OSBPL10: variants seen among roughly 807,000 people sequenced by gnomAD.
OSBPL10 encodes oxysterol binding protein like 10.
A neutral mutation model predicts 81.7 loss-of-function variants in OSBPL10; 49 were observed. The ratio of observed to expected loss-of-function variants is 0.60; its 90% CI spans 0.48 to 0.76. The LOEUF is 0.76. Ranked by LOEUF, OSBPL10 falls within the 30% of genes least tolerant of loss-of-function variation. The pLI is 0.00. For missense variants in OSBPL10, 923 were observed against 987.8 expected (o/e 0.93, Z 0.88); for synonymous variants, 419 against 383.6 (o/e 1.09, Z -1.08).
chr3:31,994,685 T>C (rs1209762514), intron 2 of OSBPL10, among the ~76,000 whole-genome samples: 2 of 152,178 alleles, frequency 1.3e-5, no homozygotes, highest in African/African-American at 4.8e-5. Context: ...ATCAGAAAAT[T>C]CTTTATAAAT....
At chr3:31,980,806 C>CACACACAT (rs1184413750) in intron 1 of OSBPL10, 93 bp downstream of exon 1, 1 of 1,352,482 alleles carries the variant, frequency 7.4e-7, no homozygotes, top group Non-Finnish European at 9.5e-7. Flanking sequence ...ATCGCGCGCG[C>CACACACAT]ACACACATAC....
intron 4 of OSBPL10, among the ~76,000 whole-genome samples, chr3:31,812,165 G>A (rs1004083283): frequency 1.3e-5 from 2 of 152,118 alleles, no homozygotes; most frequent in Non-Finnish European, 2.9e-5. Flanking sequence ...CTGAATAGCT[G>A]GGATTACAGG....
intron 4 of OSBPL10, among the ~76,000 whole-genome samples, chr3:31,807,357 A>G (rs928092599): frequency 6.6e-6 from 1 of 150,612 alleles, no homozygotes; most frequent in African/African-American, 2.5e-5. Flanking sequence ...TGGGCGACAG[A>G]GCAAGACTGT....
chr3:32,052,366 T>C (rs1575093035), intron 1 of OSBPL10, among the ~76,000 whole-genome samples: 1 of 152,188 alleles, frequency 6.6e-6, no homozygotes, highest in Non-Finnish European at 1.5e-5. Flanking sequence ...TTTTGAAAAT[T>C]GGTTGACTTT....
chr3:31,689,836 C>T (rs1695472442), intron 7 of OSBPL10, among the ~76,000 whole-genome samples: 1 of 152,100 alleles, frequency 6.6e-6, no homozygotes, highest in Non-Finnish European at 1.5e-5. Flanking sequence ...ACCTCTTTTT[C>T]TTCCCAGTCT....
At chr3:31,898,521 G>GATC (rs1696130522) in intron 1 of OSBPL10, among the ~76,000 whole-genome samples, 1 of 151,512 alleles carries the variant, frequency 6.6e-6, no homozygotes, top group African/African-American at 2.4e-5. Flanking sequence ...AAGGCAGGAG[G>GATC]ATCATTTGAG....
At chr3:31,788,288 C>T (rs1409790705) in intron 4 of OSBPL10, among the ~76,000 whole-genome samples, 1 of 152,192 alleles carries the variant, frequency 6.6e-6, no homozygotes, top group East Asian at 1.9e-4. Context: ...AATCCTATGA[C>T]ATTTTGCCAT....
intron 1 of OSBPL10, among the ~76,000 whole-genome samples, chr3:31,932,321 C>T (rs1003418695): frequency 1.3e-5 from 2 of 152,174 alleles, no homozygotes; most frequent in African/African-American, 2.4e-5. Context: ...TTAAAACTTT[C>T]CTTACCTCCA....
At chr3:31,819,909 AG>A (rs1380467657) in intron 4 of OSBPL10, among the ~76,000 whole-genome samples, 1 of 152,230 alleles carries the variant, frequency 6.6e-6, no homozygotes, top group Non-Finnish European at 1.5e-5. Context: ...GGCTTCCTTA[AG>A]GAAGAAATTC....
At chr3:31,792,025 C>T (rs965009490) in intron 4 of OSBPL10, among the ~76,000 whole-genome samples, 3 of 152,062 alleles carry the variant, frequency 2.0e-5, no homozygotes, top group Non-Finnish European at 2.9e-5. Context: ...GTGGGAGGAT[C>T]ACTTGAGCCC....
chr3:31,826,756 A>G (rs1700110009), intron 4 of OSBPL10, among the ~76,000 whole-genome samples: 1 of 152,230 alleles, frequency 6.6e-6, no homozygotes, highest in Admixed American at 6.5e-5. Context: ...ACTTTCTACT[A>G]TGAGTGCAAT....
In OSBPL10 at chr3:31,736,236, T is replaced by C. The variant is rs540795227; in HGVS notation, c.941-2825A>G. Among the ~76,000 whole-genome samples the C allele has an allele frequency of 5.7e-4, 87 of 152,154 alleles. 1 individual carries two copies. The highest frequency in any genetic ancestry group is 1.1e-3 in the Non-Finnish European group (78 of 68,032). ...AATGCACACATAAAATGTGTACACATAGAATGTGTACTGAGATGTACACAT... is the reference window on the plus strand; with the variant it reads ...AATGCACACATAAAATGTGTACACACAGAATGTGTACTGAGATGTACACAT... On this transcript the variant is annotated intron_variant, in intron 5 of 11. Transcript: ENST00000396556.
At chr3:31,710,293 C>T (rs1324760027) in intron 6 of OSBPL10, among the ~76,000 whole-genome samples, 1 of 152,186 alleles carries the variant, frequency 6.6e-6, no homozygotes, top group Non-Finnish European at 1.5e-5. Flanking sequence ...ACAAGAAGTG[C>T]TTGGTAAACA....
Position 32,066,005 on chromosome 3 carries a change from AAG to A in OSBPL10, n.185+11389_185+11390del, listed in dbSNP as rs202020945. On this transcript the variant is annotated intron_variant and non_coding_transcript_variant, in intron 1 of 3. Transcript: ENST00000479173. The stretch of plus-strand genomic sequence containing the variant: ...AAAGAAAGAAAGAAAGAAAGAAAGA[AAG>A]AGAAAGAAAGAAAGAAAGAGAGAGA... Among the ~76,000 whole-genome samples, 764 of 48,482 alleles carry A rather than the reference AAG, an allele frequency of 0.016. 95 individuals are homozygous for A. In the East Asian group the frequency reaches 0.18, roughly 11 times the overall value. 31.8% of individuals were successfully genotyped at this position (48,482 alleles called of 152,430 possible). A position where few individuals can be genotyped will look rare whatever the true frequency, so the allele number is the denominator to read the frequency against.
At chr3:31,875,670 A>C (rs1316604099) in intron 3 of OSBPL10, among the ~76,000 whole-genome samples, 1 of 152,170 alleles carries the variant, frequency 6.6e-6, no homozygotes, top group East Asian at 1.9e-4. Flanking sequence ...GAAAGCAGGC[A>C]GGTTTTAGCA....
intron 1 of OSBPL10, among the ~76,000 whole-genome samples, chr3:31,972,164 G>A (rs569348428): frequency 2.0e-5 from 3 of 152,284 alleles, no homozygotes; most frequent in Non-Finnish European, 2.9e-5. Context: ...CAAGGCGGGC[G>A]GATCACCTGA....
intron 3 of OSBPL10, among the ~76,000 whole-genome samples, chr3:31,857,846 GA>G: frequency 7.4e-6 from 1 of 135,160 alleles, no homozygotes; most frequent in Admixed American, 7.2e-5. Context: ...GGGAAAGAGG[GA>G]GGGAAAGAAG....
intron 1 of OSBPL10, among the ~76,000 whole-genome samples, chr3:31,935,112 C>CAAA (rs1697349645): frequency 6.6e-6 from 1 of 152,180 alleles, no homozygotes; most frequent in African/African-American, 2.4e-5. Context: ...TCCTGTTTAT[C>CAAA]AAGAAACCGA....
chr3:32,041,871 G>A (rs112983183), intron 2 of OSBPL10, among the ~76,000 whole-genome samples: 5 of 152,062 alleles, frequency 3.3e-5, no homozygotes, highest in Admixed American at 6.6e-5. Flanking sequence ...TGTTGGCCAG[G>A]CTGGTCTCGA....
Sources: gnomAD v4.1 joint callset for allele counts (sites outside exome capture counted in the v4.1 genomes callset) on GRCh38, gnomAD v4.1.1 for gene constraint, MANE v1.5 for transcripts, NCBI Gene and HGNC (gene_info 2026-07-23, HGNC 2026-07-21) for gene names.